RARB: variants seen among roughly 807,000 people sequenced by gnomAD.
RARB encodes retinoic acid receptor beta, also known as HBV-activated protein.
In RARB, 17 loss-of-function variants were observed where a neutral mutation model predicts 51.9. That is an observed-to-expected ratio of 0.33 (90% CI 0.22 to 0.49). The LOEUF is 0.49. RARB is among the 20% of genes least tolerant of loss of function. The pLI is 0.99. For synonymous variants in RARB, 215 were observed against 195.4 expected, an observed-to-expected ratio of 1.10 and a Z score of -0.84; for missense variants, 369 against 550.8, an observed-to-expected ratio of 0.67 and a Z score of 3.30.
chr3:25,204,053 C>G (rs981108303), intron 5 of RARB, among the ~76,000 whole-genome samples: 1 of 152,202 alleles, frequency 6.6e-6, no homozygotes, highest in South Asian at 2.1e-4. Context: ...CTCCCCATCA[C>G]TTTCGGGTAC....
intron 5 of RARB, among the ~76,000 whole-genome samples, chr3:25,240,730 TG>T (rs1439485277): frequency 6.6e-6 from 1 of 152,180 alleles, no homozygotes; most frequent in Non-Finnish European, 1.5e-5. Flanking sequence ...GAATTCAGTT[TG>T]TTAGTATTTT....
intron 3 of RARB, among the ~76,000 whole-genome samples, chr3:25,068,912 CCA>C (rs1318312724): frequency 2.0e-5 from 3 of 151,764 alleles, no homozygotes; most frequent in Non-Finnish European, 4.4e-5. Flanking sequence ...GGCAATAGGG[CCA>C]TAAACTTTAT....
At chr3:25,410,164 G>A (rs1256249684) in intron 5 of RARB, among the ~76,000 whole-genome samples, 2 of 152,206 alleles carry the variant, frequency 1.3e-5, no homozygotes, top group South Asian at 2.1e-4. Flanking sequence ...ACAACAGAGT[G>A]TGGGTTAGTC....
At chr3:25,146,499 G>GTTTTTTTTTTTTTTTTTTTTTTTT (rs1413825514) in intron 4 of RARB, among the ~76,000 whole-genome samples, 1 of 104,384 alleles carries the variant, frequency 9.6e-6, no homozygotes. Context: ...TAAGTTTTTT[G>GTTTTTTTTTTTTTTTTTTTTTTTT]TTTGTTTGTT....
intron 1 of RARB, among the ~76,000 whole-genome samples, chr3:25,444,217 A>T (rs1305793233): frequency 6.6e-6 from 1 of 152,162 alleles, no homozygotes; most frequent in Non-Finnish European, 1.5e-5. Context: ...TCAAATACCT[A>T]CCTTGAATCT....
intron 5 of RARB, among the ~76,000 whole-genome samples, chr3:25,382,137 A>G (rs1706646510): frequency 6.6e-6 from 1 of 152,212 alleles, no homozygotes; most frequent in African/African-American, 2.4e-5. Context: ...GTAGGAGTCC[A>G]AAAGCATATA....
At chr3:25,315,558 G>A (rs1460976747) in intron 5 of RARB, among the ~76,000 whole-genome samples, 1 of 152,034 alleles carries the variant, frequency 6.6e-6, no homozygotes, top group Non-Finnish European at 1.5e-5. Context: ...AAGAGCTCCT[G>A]GGTTTTTGGA....
chr3:25,233,536 C>A (rs1474385347), intron 5 of RARB, among the ~76,000 whole-genome samples: 5 of 152,070 alleles, frequency 3.3e-5, no homozygotes, highest in Non-Finnish European at 7.4e-5. Context: ...TCTTTTATTT[C>A]TTTTAATTAC....
intron 2 of RARB, among the ~76,000 whole-genome samples, chr3:24,882,166 T>C (rs897868488): frequency 6.6e-6 from 1 of 152,174 alleles, no homozygotes; most frequent in Middle Eastern, 3.2e-3. Flanking sequence ...TGCATTAAAA[T>C]CAATAGCAAT....
intron 4 of RARB, among the ~76,000 whole-genome samples, chr3:25,135,463 G>A (rs997309): frequency 0.57 from 86,711 of 151,638 alleles, 25,076 homozygotes; most frequent in East Asian, 0.7. Flanking sequence ...AACCAGAGAT[G>A]AGTAAGAAAA....
chr3:25,217,042 T>G (rs1482214751), intron 5 of RARB, among the ~76,000 whole-genome samples: 2 of 152,164 alleles, frequency 1.3e-5, no homozygotes, highest in East Asian at 3.9e-4. Flanking sequence ...CATCAAGAGG[T>G]GCGTGCTATC....
At chr3:25,009,370 A>G (rs913662769) in intron 2 of RARB, among the ~76,000 whole-genome samples, 5 of 152,132 alleles carry the variant, frequency 3.3e-5, no homozygotes, top group East Asian at 1.9e-4. Flanking sequence ...AAATATTCCA[A>G]TAAACCACAT....
intron 2 of RARB, among the ~76,000 whole-genome samples, chr3:24,866,977 T>G (rs551883101): frequency 6.6e-6 from 1 of 151,950 alleles, no homozygotes; most frequent in African/African-American, 2.4e-5. Flanking sequence ...CTTCATTTGG[T>G]GGGGTTACAG....
chr3:25,306,558 C>T (rs565109975), intron 5 of RARB, among the ~76,000 whole-genome samples: 1 of 151,824 alleles, frequency 6.6e-6, no homozygotes, highest in Non-Finnish European at 1.5e-5. Context: ...GAAAGAAACC[C>T]TGTTACGTGA....
At chr3:25,414,575 G>A (rs1445086811) in intron 5 of RARB, among the ~76,000 whole-genome samples, 1 of 152,160 alleles carries the variant, frequency 6.6e-6, no homozygotes, top group Non-Finnish European at 1.5e-5. Flanking sequence ...ACTTGGTATG[G>A]CAGGCTTTTT....
At chr3:25,195,130 T>C (rs1231829335) in intron 5 of RARB, among the ~76,000 whole-genome samples, 3 of 152,056 alleles carry the variant, frequency 2.0e-5, no homozygotes, top group East Asian at 1.9e-4. Context: ...GTCTTTATCA[T>C]ACTGCTGAAA....
intron 3 of RARB, among the ~76,000 whole-genome samples, chr3:25,129,263 C>T (rs976729480): frequency 2.0e-5 from 3 of 151,956 alleles, no homozygotes; most frequent in African/African-American, 7.2e-5. Context: ...TATTAGAACC[C>T]ATGATTTCTC....
At chr3:24,883,846 G>A (rs188421850) in intron 2 of RARB, among the ~76,000 whole-genome samples, 57 of 152,180 alleles carry the variant, frequency 3.7e-4, no homozygotes, top group African/African-American at 1.1e-3. Flanking sequence ...TGATTCTTGC[G>A]TAAGTTGCTA....
chr3:24,934,330 G>C (rs1695504570), intron 2 of RARB, among the ~76,000 whole-genome samples: 2 of 152,124 alleles, frequency 1.3e-5, no homozygotes, highest in Admixed American at 6.5e-5. Context: ...ATCTCAGGCT[G>C]AATCAGAGTA....
Sources: gnomAD v4.1 joint callset for allele counts (sites outside exome capture counted in the v4.1 genomes callset) on GRCh38, gnomAD v4.1.1 for gene constraint, MANE v1.5 for transcripts, NCBI Gene and HGNC (gene_info 2026-07-23, HGNC 2026-07-21) for gene names.